ETFDH: variants seen among roughly 807,000 people sequenced by gnomAD.
ETFDH encodes the protein electron transfer flavoprotein dehydrogenase.
In ETFDH, 61 loss-of-function variants were observed where a neutral mutation model predicts 73.2. That is an observed-to-expected ratio of 0.83 (90% CI 0.68 to 1.03). The LOEUF (loss-of-function observed/expected upper bound fraction) is 1.03, where lower values mean the gene tolerates loss of function less well. Among genes scored for constraint, ETFDH ranks in the 50% least tolerant of loss-of-function variants. ETFDH has a pLI of 0.00. For missense variants in ETFDH, 685 were observed against 745.0 expected, an observed-to-expected ratio of 0.92 and a Z score of 0.94; for synonymous variants, 243 against 253.3, an observed-to-expected ratio of 0.96 and a Z score of 0.39.
intron 6 of ETFDH, among the ~76,000 whole-genome samples, chr4:158,695,126 A>G (rs1450594852): frequency 1.3e-5 from 2 of 152,226 alleles, no homozygotes; most frequent in African/African-American, 4.8e-5. Flanking sequence ...TTAAATATAT[A>G]TTCAAGAGTG....
chr4:158,682,094 A>G (rs770792082), intron 2 of ETFDH, 101 bp from the exon 3 acceptor site: 91 of 1,533,082 alleles, frequency 5.9e-5, no homozygotes, highest in Admixed American at 1.2e-4. Context: ...GAGAATTTCC[A>G]TAAATAATAC....
At chr4:158,674,114 A>G (rs1041833063) in intron 1 of ETFDH, among the ~76,000 whole-genome samples, 3 of 152,264 alleles carry the variant, frequency 2.0e-5, no homozygotes, top group Non-Finnish European at 2.9e-5. Context: ...AGTTTTCAGA[A>G]GTAAATAACT....
rs1241709269 is a variant in ETFDH, at chr4:158,709,235, A to G, written c.*708A>G. 1 of 153,034 alleles carries G rather than the reference A, an allele frequency of 6.5e-6. No homozygotes were observed. The highest frequency in any genetic ancestry group is 1.5e-5 in the Non-Finnish European group (1 of 68,696). 9.5% of individuals were successfully genotyped at this position (153,034 alleles called of 1,614,324 possible). On this transcript the variant is annotated 3_prime_UTR_variant, in exon 13 of 13. Transcript: ENST00000511912. ...ATAATGCACATAACCATTTTAAAAA[A>G]CATTTTACTTGGCCGGGCACGGTGG...
rs372746794 is a variant in ETFDH at position 158,707,982 on chromosome 4, G to A, written c.1691-382G>A. On this transcript the variant is annotated intron_variant, in intron 12 of 12. Coordinates refer to ENST00000511912, the MANE Select transcript of ETFDH (RefSeq NM_004453.4). ...GTGGGTGAAATACATGAACAGAAAC[G>A]TGTTCTGACTGACAATGTAAGTTGA... Among the ~76,000 whole-genome samples the A allele has an allele frequency of 2.6e-4, 39 of 152,306 alleles. No homozygotes were observed. The East Asian group carries it at 3.5e-3, about 14-fold the overall frequency.
At chr4:158,682,053 T>C (rs977437348) in intron 2 of ETFDH, 142 bp from the exon 3 acceptor site, 2 of 1,073,762 alleles carry the variant, frequency 1.9e-6, no homozygotes, top group African/African-American at 3.1e-5. Flanking sequence ...TACAGTAATA[T>C]GCTTAATATA....
At position 158,680,436 on chromosome 4, in the gene ETFDH, G is replaced by A. The variant is rs368345149; in HGVS notation, c.35-31G>A. ...TCTACTGAGGAAAACTAATTTTAAG[G>A]AAGATAATAATTTTCGTAATTTTTG... On this transcript the variant is annotated intron_variant, in intron 1 of 12. Transcript: ENST00000511912. The A allele has an allele frequency of 9.0e-6, 14 of 1,560,296 alleles. No homozygotes were observed. In the African/African-American group the frequency reaches 1.6e-4, roughly 18 times the overall value.
chr4:158,686,665 T>A (rs958962692), intron 5 of ETFDH, among the ~76,000 whole-genome samples: 3 of 152,160 alleles, frequency 2.0e-5, no homozygotes, highest in African/African-American at 7.2e-5. Flanking sequence ...GGGAGAGGAT[T>A]TCAGGTTTCT....
chr4:158,706,214 C>G lies in ETFDH; in HGVS notation c.1311C>G (p.Asp437Glu). The G allele has an allele frequency of 6.2e-7, 1 of 1,612,096 alleles. No individual in the cohort carries two copies. Among genetic ancestry groups the G allele is most frequent in the Non-Finnish European group, 8.5e-7 (1 of 1,178,174 alleles). The change falls in exon 11 of 13, where the codon GAC becomes GAG. Residue 437 changes from aspartate to glutamate, a missense_variant. This residue lies in a region of ETFDH where 201 missense variants were observed against 225.2 expected (regional missense o/e 0.89). Coordinates refer to ENST00000511912, the MANE Select transcript of ETFDH (RefSeq NM_004453.4). ...TIGLHVTEYE[D>E]NLKNSWVWKE... ...GACTCCATGTAACTGAATATGAGGA[C>G]AATTTGAAGAACTCATGGGTATGGA...
At position 158,684,593 on chromosome 4, in the gene ETFDH, C is replaced by T. The variant is rs758242572; in HGVS notation, c.407C>T (p.Ala136Val). 7 of 1,503,292 alleles carry T rather than the reference C, an allele frequency of 4.7e-6. No individual in the cohort carries two copies. The Admixed American group carries it at 1.2e-4, about 25-fold the overall frequency. The allele number at this position is 1,503,292 out of a possible 1,614,324, so 93.1% of individuals were successfully genotyped here. Residue 136 changes from alanine to valine, a missense_variant and splice_region_variant, in exon 4 of 13, where the codon GCT becomes GTT. Transcript: ENST00000511912. The part of the protein sequence containing the change: ...ELFPDWKEKG[A>V]PLNTPVTEDR... ...TTCTTTTTCTTCTTTTATTTCTAGGCTCCACTTAACACTCCTGTAACAGAA... is the reference window on the plus strand; with the variant it reads ...TTCTTTTTCTTCTTTTATTTCTAGGTTCCACTTAACACTCCTGTAACAGAA...
intron 2 of ETFDH, 44 bp from the exon 3 acceptor site, chr4:158,682,151 T>C (rs774031752): frequency 6.2e-7 from 1 of 1,611,166 alleles, no homozygotes; most frequent in East Asian, 2.2e-5. Flanking sequence ...ATTTATCATG[T>C]GATTATTGGG....
chr4:158,697,419 G>A (rs1169824241), intron 7 of ETFDH, 140 bp from the exon 8 acceptor site: 7 of 739,158 alleles, frequency 9.5e-6, no homozygotes, highest in South Asian at 1.7e-5. Flanking sequence ...AAGTAATTTT[G>A]TTGTATTCTT....
At chr4:158,694,923 C>T (rs1193072152) in intron 6 of ETFDH, among the ~76,000 whole-genome samples, 1 of 152,098 alleles carries the variant, frequency 6.6e-6, no homozygotes, top group Non-Finnish European at 1.5e-5. Context: ...TCCAAGTATA[C>T]CAAAATTCAT....
At position 158,682,365 on chromosome 4, in the gene ETFDH, G is replaced by C. The variant is rs1458858994; in HGVS notation, c.346G>C (p.Gly116Arg). ...AAQIGAHTLS[G>R]ACLDPGAFKE... is the part of the protein sequence containing the mutation. ...CCAGATAGGAGCTCATACTCTCTCA[G>C]GGGCTTGCCTTGATCCAGGTGCTTT... The change falls in exon 3 of 13, where the codon GGG becomes CGG. Residue 116 changes from glycine (G) to arginine (R), a missense_variant. Physicochemically the swap from Gly to Arg is moderately radical, Grantham distance 125. Coordinates refer to ENST00000511912, the MANE Select transcript of ETFDH (RefSeq NM_004453.4). The C allele has an allele frequency of 6.2e-7, 1 of 1,614,176 alleles. No individual in the cohort carries two copies. Among genetic ancestry groups the C allele is most frequent in the South Asian group, 1.1e-5 (1 of 91,088 alleles).
chr4:158,682,897 G>A (rs113240805), intron 3 of ETFDH, among the ~76,000 whole-genome samples: 2 of 152,144 alleles, frequency 1.3e-5, no homozygotes, highest in Admixed American at 1.3e-4. Context: ...TATCAGAATT[G>A]TAATTTATGA....
intron 10 of ETFDH, among the ~76,000 whole-genome samples, chr4:158,705,908 CTCTT>C (rs1251091657): frequency 6.6e-6 from 1 of 152,066 alleles, no homozygotes; most frequent in African/African-American, 2.4e-5. Context: ...TGGCAAAACC[CTCTT>C]TCTACCAAAA....
At chr4:158,691,730 G>A (rs572530683) in intron 6 of ETFDH, among the ~76,000 whole-genome samples, 1 of 152,190 alleles carries the variant, frequency 6.6e-6, no homozygotes, top group South Asian at 2.1e-4. Context: ...TAATTTTCAG[G>A]TTTTCACATC....
chr4:158,698,658 T>C (rs1213255711), intron 8 of ETFDH, among the ~76,000 whole-genome samples: 3 of 152,138 alleles, frequency 2.0e-5, no homozygotes, highest in African/African-American at 7.2e-5. Flanking sequence ...GTTTTTTTTG[T>C]TGTTGTTCAT....
chr4:158,685,260 CTCTT>C (rs1773975811), intron 5 of ETFDH, 41 bp downstream of exon 5: 1 of 1,063,236 alleles, frequency 9.4e-7, no homozygotes, highest in African/African-American at 1.6e-5. Context: ...TATAGGAACT[CTCTT>C]TTTTTAATAA....
chr4:158,686,009 T>C (rs1025554324), intron 5 of ETFDH, among the ~76,000 whole-genome samples: 1 of 152,220 alleles, frequency 6.6e-6, no homozygotes, highest in African/African-American at 2.4e-5. Context: ...CTGCAATAGA[T>C]ATTAACAATA....
Sources: gnomAD v4.1 joint callset for allele counts (sites outside exome capture counted in the v4.1 genomes callset) on GRCh38, gnomAD v4.1.1 for gene constraint, gnomAD v4.1.1 regional missense constraint, MANE v1.5 for transcripts, NCBI Gene and HGNC (gene_info 2026-07-23, HGNC 2026-07-21) for gene names.